GPR15LG: variants seen among roughly 807,000 people sequenced by gnomAD.
GPR15LG encodes the protein protein GPR15LG.
the GPR15LG span, chr10:84,176,626 A>AC: frequency 8.2e-7 from 1 of 1,219,468 alleles, no homozygotes; most frequent in African/African-American, 1.5e-5. Context: ...TGGCCATGGG[A>AC]CCAGCCACAC....
chr10:84,182,032 C>A, the GPR15LG span, among the ~76,000 whole-genome samples: 3 of 152,192 alleles, frequency 2.0e-5, no homozygotes, highest in African/African-American at 7.2e-5. Context: ...TGAAACCCAG[C>A]AAAATGGCTG....
chr10:84,184,794 G>C, the GPR15LG span: 1 of 1,612,972 alleles, frequency 6.2e-7, no homozygotes, highest in East Asian at 2.2e-5. Flanking sequence ...TCCAGACAGC[G>C]GAGAACCTCA....
At chr10:84,184,488 T>A in the GPR15LG span, among the ~76,000 whole-genome samples, 1 of 152,246 alleles carries the variant, frequency 6.6e-6, no homozygotes, top group African/African-American at 2.4e-5. Context: ...TCTGGGCTGG[T>A]CTTGTTTGCC....
At chr10:84,179,632 G>C in the GPR15LG span, among the ~76,000 whole-genome samples, 19 of 152,310 alleles carry the variant, frequency 1.2e-4, no homozygotes, top group East Asian at 2.5e-3. Context: ...GAGTTGCCTA[G>C]AGGGTGTTCC....
the GPR15LG span, among the ~76,000 whole-genome samples, chr10:84,184,452 G>T: frequency 6.6e-6 from 1 of 152,228 alleles, no homozygotes; most frequent in African/African-American, 2.4e-5. Flanking sequence ...CAATCAATTA[G>T]GTTCCCTCTG....
the GPR15LG span, among the ~76,000 whole-genome samples, chr10:84,180,841 T>C: frequency 6.6e-6 from 1 of 152,302 alleles, no homozygotes; most frequent in East Asian, 1.9e-4. Flanking sequence ...TCCCGGCACC[T>C]CGGGAGGCCG....
At chr10:84,181,420 AG>A in the GPR15LG span, among the ~76,000 whole-genome samples, 2 of 151,378 alleles carry the variant, frequency 1.3e-5, no homozygotes, top group Admixed American at 6.6e-5. Flanking sequence ...TATAGCAGCA[AG>A]TCTTTTTGTT....
At chr10:84,180,156 T>G in the GPR15LG span, among the ~76,000 whole-genome samples, 3 of 152,384 alleles carry the variant, frequency 2.0e-5, no homozygotes, top group African/African-American at 4.8e-5. Context: ...ATTTAACCCT[T>G]AGTGGACACA....
chr10:84,182,496 T>G, the GPR15LG span, among the ~76,000 whole-genome samples: 1 of 152,260 alleles, frequency 6.6e-6, no homozygotes, highest in Admixed American at 6.5e-5. Context: ...ATATTTTTGA[T>G]GTCTGTGAGT....
chr10:84,178,735 T>C, the GPR15LG span, among the ~76,000 whole-genome samples: 1 of 152,270 alleles, frequency 6.6e-6, no homozygotes, highest in Non-Finnish European at 1.5e-5. Flanking sequence ...TTTTCAGTTT[T>C]GTTACTTCTG....
the GPR15LG span, chr10:84,185,051 G>A: frequency 4.8e-6 from 6 of 1,246,214 alleles, no homozygotes; most frequent in Non-Finnish European, 6.1e-6. Context: ...CACCATGACC[G>A]GTCACAGCTA....
the GPR15LG span, among the ~76,000 whole-genome samples, chr10:84,174,890 T>G: frequency 6.6e-6 from 1 of 152,196 alleles, no homozygotes; most frequent in Non-Finnish European, 1.5e-5. Context: ...TGGTTATGGT[T>G]ACTCAAACTT....
chr10:84,177,233 C>A, the GPR15LG span, among the ~76,000 whole-genome samples: 1 of 152,200 alleles, frequency 6.6e-6, no homozygotes, highest in Admixed American at 6.5e-5. Flanking sequence ...GCGGACAGGC[C>A]CAAGCTCAGG....
the GPR15LG span, among the ~76,000 whole-genome samples, chr10:84,182,515 G>T: frequency 6.6e-6 from 1 of 152,192 alleles, no homozygotes. Context: ...GTCTAGAATG[G>T]TCTCGGTTGG....
the GPR15LG span, among the ~76,000 whole-genome samples, chr10:84,174,217 A>G: frequency 3.8e-4 from 58 of 152,320 alleles, no homozygotes; most frequent in African/African-American, 1.4e-3. Context: ...TACTGTGCTT[A>G]AGTCCTACCT....
chr10:84,184,606 C>A, the GPR15LG span: 4 of 1,419,600 alleles, frequency 2.8e-6, no homozygotes, highest in African/African-American at 1.4e-5. Flanking sequence ...GTTTTCCTCT[C>A]TCTCCCCACA....
At chr10:84,183,769 C>G in the GPR15LG span, among the ~76,000 whole-genome samples, 58 of 152,128 alleles carry the variant, frequency 3.8e-4, no homozygotes, top group African/African-American at 1.4e-3. Flanking sequence ...CCTCAGCCTC[C>G]TGAGTAGCTA....
At chr10:84,177,944 C>T in the GPR15LG span, among the ~76,000 whole-genome samples, 4 of 152,122 alleles carry the variant, frequency 2.6e-5, no homozygotes, top group African/African-American at 7.2e-5. Flanking sequence ...GACACACACA[C>T]AACAAACCAA....
chr10:84,178,796 G>A, the GPR15LG span, among the ~76,000 whole-genome samples: 15 of 152,208 alleles, frequency 9.9e-5, no homozygotes, highest in Non-Finnish European at 1.9e-4. Flanking sequence ...ATTTCTTTCT[G>A]TGTGTATATT....
Sources: allele counts gnomAD v4.1 joint callset (sites outside exome capture counted in the v4.1 genomes callset), GRCh38; gene constraint gnomAD v4.1.1; transcripts MANE v1.5; gene names NCBI Gene and HGNC (gene_info 2026-07-23, HGNC 2026-07-21).